The following CCDC149 variants were observed in gnomAD, a reference collection of about 807,000 sequenced individuals.
CCDC149 encodes coiled-coil domain-containing protein 149.
In CCDC149, 45 loss-of-function variants were observed where a neutral mutation model predicts 59.9. That is an observed-to-expected ratio of 0.75 (90% CI 0.59 to 0.96). CCDC149 has a LOEUF of 0.96. CCDC149 is among the 40% of genes least tolerant of loss of function. The pLI is 0.00. For synonymous variants in CCDC149, 245 were observed against 260.6 expected, an observed-to-expected ratio of 0.94 and a Z score of 0.58; for missense variants, 584 against 664.7, an observed-to-expected ratio of 0.88 and a Z score of 1.33.
intron 1 of CCDC149, among the ~76,000 whole-genome samples, chr4:24,947,602 T>C (rs1723154759): frequency 6.6e-6 from 1 of 152,206 alleles, no homozygotes; most frequent in African/African-American, 2.4e-5. Context: ...TCCCCACGTC[T>C]ATCCTCCTCT....
chr4:24,848,398 G>A (rs142961082), intron 4 of CCDC149, among the ~76,000 whole-genome samples: 684 of 152,120 alleles, frequency 4.5e-3, no homozygotes, highest in African/African-American at 0.016. Context: ...GTAAATCTCC[G>A]TCTCTACTAA....
intron 1 of CCDC149, among the ~76,000 whole-genome samples, 169 bp downstream of exon 1, chr4:24,912,648 G>T (rs1721943425): frequency 6.6e-6 from 1 of 152,146 alleles, no homozygotes; most frequent in Non-Finnish European, 1.5e-5. Flanking sequence ...ACCCGAAAGT[G>T]CAGGAGGAGC....
chr4:24,810,118 C>T (rs1436691885), intron 12 of CCDC149, among the ~76,000 whole-genome samples: 2 of 152,248 alleles, frequency 1.3e-5, no homozygotes, highest in South Asian at 2.1e-4. Flanking sequence ...ATCAGTTTCT[C>T]CCCTCTGTTA....
chr4:24,883,411 T>C (rs1423207698), intron 1 of CCDC149, among the ~76,000 whole-genome samples: 2 of 115,814 alleles, frequency 1.7e-5, no homozygotes, highest in African/African-American at 5.4e-5. Flanking sequence ...CTCTGGACAC[T>C]TACCCATTCA....
intron 1 of CCDC149, among the ~76,000 whole-genome samples, chr4:24,934,138 C>A (rs1012953146): frequency 1.3e-5 from 2 of 152,178 alleles, no homozygotes; most frequent in Non-Finnish European, 2.9e-5. Flanking sequence ...ACTGTGATAT[C>A]ATTTGGCTGT....
intron 12 of CCDC149, among the ~76,000 whole-genome samples, chr4:24,813,416 C>T (rs1001273702): frequency 6.7e-6 from 1 of 149,334 alleles, no homozygotes; most frequent in African/African-American, 2.5e-5. Flanking sequence ...TTGCCCAATA[C>T]CAAACATGGC....
chr4:24,867,946 C>T (rs1718801797), intron 3 of CCDC149, among the ~76,000 whole-genome samples: 1 of 152,228 alleles, frequency 6.6e-6, no homozygotes, highest in South Asian at 2.1e-4. Flanking sequence ...TTTTCCTATA[C>T]ATACATCTCG....
chr4:24,912,715 C>A (rs1215657549), intron 1 of CCDC149, 102 bp downstream of exon 1: 3 of 806,264 alleles, frequency 3.7e-6, no homozygotes, highest in Non-Finnish European at 4.8e-6. Flanking sequence ...GAGTGCGCGC[C>A]CCCCTCTCGT....
At chr4:24,963,784 C>T (rs1286867663) in intron 1 of CCDC149, among the ~76,000 whole-genome samples, 2 of 152,140 alleles carry the variant, frequency 1.3e-5, no homozygotes, top group South Asian at 2.1e-4. Context: ...TTAAGGCATT[C>T]GTCATGAAAA....
chr4:24,956,182 G>A (rs1225935283), intron 1 of CCDC149, among the ~76,000 whole-genome samples: 8 of 151,350 alleles, frequency 5.3e-5, no homozygotes, highest in African/African-American at 1.9e-4. Context: ...TGCTGCCTTA[G>A]AGGACAAAGT....
At chr4:24,963,263 T>A (rs1723697488) in intron 1 of CCDC149, among the ~76,000 whole-genome samples, 1 of 151,460 alleles carries the variant, frequency 6.6e-6, no homozygotes, top group Admixed American at 6.6e-5. Flanking sequence ...CCAAGGTAGG[T>A]CAGTAAGACT....
At chr4:24,824,320 C>T (rs1715587500) in intron 9 of CCDC149, among the ~76,000 whole-genome samples, 1 of 152,186 alleles carries the variant, frequency 6.6e-6, no homozygotes. Flanking sequence ...TTATCAGCAT[C>T]TGATGCAGGG....
intron 9 of CCDC149, chr4:24,827,432 G>C (rs1715829633): frequency 6.6e-6 from 1 of 152,252 alleles, no homozygotes; most frequent in Admixed American, 6.5e-5. Context: ...ACGGTTTCAG[G>C]CATAGCAGGA....
At chr4:24,968,564 C>T (rs1030395086) in intron 1 of CCDC149, among the ~76,000 whole-genome samples, 1 of 152,226 alleles carries the variant, frequency 6.6e-6, no homozygotes, top group Non-Finnish European at 1.5e-5. Context: ...CACCCCTAGA[C>T]CCTGAGCCTT....
At chr4:24,924,373 T>G (rs1451225126) in intron 1 of CCDC149, among the ~76,000 whole-genome samples, 1 of 152,240 alleles carries the variant, frequency 6.6e-6, no homozygotes, top group Non-Finnish European at 1.5e-5. Flanking sequence ...AGTTTAGTGG[T>G]GTGAAACGTC....
intron 2 of CCDC149, among the ~76,000 whole-genome samples, chr4:24,874,760 C>T (rs1395178897): frequency 2.6e-5 from 4 of 152,236 alleles, no homozygotes. Flanking sequence ...ATTTCTACTC[C>T]AGGGCAGTTT....
At chr4:24,900,921 G>A (rs1024204270) in intron 1 of CCDC149, among the ~76,000 whole-genome samples, 7 of 152,190 alleles carry the variant, frequency 4.6e-5, no homozygotes, top group Non-Finnish European at 7.3e-5. Context: ...CAGCGTATGT[G>A]GGGAGCAGTG....
chr4:24,918,576 C>T (rs906814092), intron 1 of CCDC149, among the ~76,000 whole-genome samples: 2 of 152,144 alleles, frequency 1.3e-5, no homozygotes, highest in Admixed American at 6.5e-5. Flanking sequence ...ACAATTGCAT[C>T]GAAACAGGAG....
At chr4:24,911,818 A>T (rs1197148149) in intron 1 of CCDC149, among the ~76,000 whole-genome samples, 2 of 152,246 alleles carry the variant, frequency 1.3e-5, no homozygotes, top group East Asian at 3.8e-4. Flanking sequence ...GTGAGGGAGT[A>T]GAGGGTTTCC....
Sources: allele counts gnomAD v4.1 joint callset (sites outside exome capture counted in the v4.1 genomes callset), GRCh38; gene constraint gnomAD v4.1.1; transcripts MANE v1.5; gene names NCBI Gene and HGNC (gene_info 2026-07-23, HGNC 2026-07-21).